The following DNAAF4 variants were observed in gnomAD, a reference collection of about 807,000 sequenced individuals.
DNAAF4 encodes the protein dynein axonemal assembly factor 4, also known as dynein assembly factor 4, axonemal.
A neutral mutation model predicts 51.8 loss-of-function variants in DNAAF4; 43 were observed. The observed-to-expected ratio is 0.83, with a 90% CI of 0.65 to 1.07. The LOEUF (loss-of-function observed/expected upper bound fraction) is 1.07. DNAAF4 is among the 50% of genes least tolerant of loss of function. The pLI, the probability that DNAAF4 is intolerant of heterozygous loss-of-function variation, is 0.00. For missense variants in DNAAF4, 581 were observed against 493.0 expected, an observed-to-expected ratio of 1.18 and a Z score of -1.69; for synonymous variants, 194 against 165.6, an observed-to-expected ratio of 1.17 and a Z score of -1.32.
intron 4 of DNAAF4, among the ~76,000 whole-genome samples, chr15:55,489,649 T>C (rs899857638): frequency 7.8e-6 from 1 of 128,756 alleles, no homozygotes; most frequent in Non-Finnish European, 1.6e-5. Context: ...CACTCCAGCC[T>C]GGGCAACAGA....
At chr15:55,473,687 T>C (rs1248457643) in intron 4 of DNAAF4, among the ~76,000 whole-genome samples, 1 of 152,018 alleles carries the variant, frequency 6.6e-6, no homozygotes, top group Non-Finnish European at 1.5e-5. Context: ...TATGTTATAC[T>C]TCATGACGAA....
chr15:55,493,537 A>G (rs189284734), intron 3 of DNAAF4, among the ~76,000 whole-genome samples: 3 of 152,294 alleles, frequency 2.0e-5, no homozygotes, highest in Non-Finnish European at 4.4e-5. Flanking sequence ...TCCATGTCTA[A>G]TAGAAATAAA....
At chr15:55,437,643 T>TA (rs1202539755) in intron 7 of DNAAF4, among the ~76,000 whole-genome samples, 1 of 152,110 alleles carries the variant, frequency 6.6e-6, no homozygotes, top group African/African-American at 2.4e-5. Context: ...AGGTGGGACT[T>TA]ACATAAACAC....
intron 4 of DNAAF4, among the ~76,000 whole-genome samples, chr15:55,471,834 G>C (rs2058260097): frequency 6.7e-6 from 1 of 148,926 alleles, no homozygotes; most frequent in Non-Finnish European, 1.5e-5. Context: ...AAGATATTTT[G>C]TTATTTATTT....
downstream of DNAAF4, among the ~76,000 whole-genome samples, chr15:55,426,742 T>C (rs2057434007): frequency 6.6e-6 from 1 of 152,166 alleles, no homozygotes; most frequent in Admixed American, 6.5e-5. Flanking sequence ...GTTTATCTGA[T>C]CTTCTGATAA....
chr15:55,452,366 T>C (rs1276248130), intron 5 of DNAAF4, among the ~76,000 whole-genome samples: 2 of 150,868 alleles, frequency 1.3e-5, no homozygotes, highest in African/African-American at 2.4e-5. Context: ...ATTAATACGA[T>C]ATAGAACATG....
chr15:55,435,557 G>A (rs935799266), intron 7 of DNAAF4, among the ~76,000 whole-genome samples: 7 of 152,098 alleles, frequency 4.6e-5, no homozygotes, highest in Non-Finnish European at 1.0e-4. Context: ...GAAAGAAACC[G>A]AGCCCTTCAT....
chr15:55,454,983 T>C (rs1419414849), intron 5 of DNAAF4, among the ~76,000 whole-genome samples: 1 of 151,534 alleles, frequency 6.6e-6, no homozygotes. Context: ...TATATAATTA[T>C]AGATAAAGTA....
intron 4 of DNAAF4, among the ~76,000 whole-genome samples, chr15:55,479,251 G>T (rs1386591715): frequency 1.3e-5 from 2 of 151,860 alleles, no homozygotes; most frequent in Non-Finnish European, 2.9e-5. Flanking sequence ...CCCAAGTGTT[G>T]CGGGAAGTCA....
At chr15:55,458,250 C>T (rs568328104) in intron 5 of DNAAF4, among the ~76,000 whole-genome samples, 2 of 151,500 alleles carry the variant, frequency 1.3e-5, no homozygotes, top group Admixed American at 6.6e-5. Flanking sequence ...CAAGAAGGCA[C>T]TAGAGGAAGG....
intron 6 of DNAAF4, chr15:55,443,297 C>T (rs2057743778): frequency 2.1e-6 from 3 of 1,416,442 alleles, no homozygotes; most frequent in African/African-American, 2.9e-5. Context: ...CGCCTGCCTA[C>T]CGGTGGCGGC....
intron 3 of DNAAF4, chr15:55,495,127 C>CTGAG (rs915238278): frequency 1.8e-4 from 26 of 143,680 alleles, no homozygotes; most frequent in African/African-American, 5.9e-4. Flanking sequence ...CATAGACTTA[C>CTGAG]TGAGTCACAG....
chr15:55,491,564 C>T (rs2058571463), intron 3 of DNAAF4, among the ~76,000 whole-genome samples: 1 of 147,084 alleles, frequency 6.8e-6, no homozygotes, highest in Admixed American at 6.8e-5. Flanking sequence ...ACACATTTAT[C>T]CTCTTCCTTC....
chr15:55,502,806 C>A (rs147495806), intron 1 of DNAAF4, among the ~76,000 whole-genome samples: 2,067 of 152,036 alleles, frequency 0.014, 52 homozygotes, highest in African/African-American at 0.048. Context: ...CACTAAATGC[C>A]CACAAAAGAA....
chr15:55,441,100 C>T (rs540064884), intron 6 of DNAAF4, among the ~76,000 whole-genome samples: 2 of 151,766 alleles, frequency 1.3e-5, no homozygotes, highest in East Asian at 1.9e-4. Context: ...CTGAGACAGT[C>T]GCACTCTGTC....
At chr15:55,441,587 C>T (rs2057715227) in intron 6 of DNAAF4, among the ~76,000 whole-genome samples, 1 of 151,224 alleles carries the variant, frequency 6.6e-6, no homozygotes, top group African/African-American at 2.4e-5. Context: ...CAACAGGCCC[C>T]GGTGTGTGAT....
intron 3 of DNAAF4, among the ~76,000 whole-genome samples, chr15:55,496,079 A>G (rs1334811221): frequency 6.6e-6 from 1 of 152,106 alleles, no homozygotes; most frequent in African/African-American, 2.4e-5. Context: ...AAAATACAAA[A>G]ATTAGCTGGA....
chr15:55,421,059 G>A (rs1426661692), intron 7 of DNAAF4, among the ~76,000 whole-genome samples: 3 of 151,852 alleles, frequency 2.0e-5, no homozygotes, highest in African/African-American at 7.3e-5. Context: ...GCGTGGTGGT[G>A]TGTGCCTATA....
At chr15:55,423,530 C>T (rs1412260590) in intron 7 of DNAAF4, among the ~76,000 whole-genome samples, 1 of 152,118 alleles carries the variant, frequency 6.6e-6, no homozygotes, top group Non-Finnish European at 1.5e-5. Context: ...TGGGTGTGAG[C>T]CACCATGCTG....
Sources: gnomAD v4.1 joint callset for allele counts (sites outside exome capture counted in the v4.1 genomes callset) on GRCh38, gnomAD v4.1.1 for gene constraint, MANE v1.5 for transcripts, NCBI Gene and HGNC (gene_info 2026-07-23, HGNC 2026-07-21) for gene names.